Variants in DLGAP2 observed in about 807,000 individuals in gnomAD.
DLGAP2 encodes DLG associated protein 2.
Under a neutral mutation model 100.3 loss-of-function variants are expected in DLGAP2, and 26 were observed. That is an observed-to-expected ratio of 0.26 (90% confidence interval 0.19 to 0.36). DLGAP2 has a LOEUF of 0.36. Ranked by LOEUF, DLGAP2 falls within the 10% of genes least tolerant of loss-of-function variation. The pLI, the probability that DLGAP2 is intolerant of heterozygous loss-of-function variation, is 1.00. For synonymous variants in DLGAP2, 886 were observed against 630.1 expected (o/e 1.41, Z -6.08); for missense variants, 1,858 against 1,453.2 (o/e 1.28, Z -4.53).
intron 3 of DLGAP2, among the ~76,000 whole-genome samples, chr8:1,279,588 C>A (rs1799774826): frequency 6.6e-6 from 1 of 152,218 alleles, no homozygotes; most frequent in African/African-American, 2.4e-5. Flanking sequence ...TGTGTCATCT[C>A]AGTGTCTGAG....
At chr8:1,542,734 A>G (rs146986239) in intron 4 of DLGAP2, among the ~76,000 whole-genome samples, 2 of 152,124 alleles carry the variant, frequency 1.3e-5, no homozygotes, top group Non-Finnish European at 2.9e-5. Context: ...ATGTGTTTTC[A>G]TTTCTCTTGG....
At chr8:1,245,721 T>C (rs1798888580) in intron 2 of DLGAP2, among the ~76,000 whole-genome samples, 1 of 152,168 alleles carries the variant, frequency 6.6e-6, no homozygotes. Context: ...GTGAATCATA[T>C]GGTGTGTGAA....
intron 3 of DLGAP2, among the ~76,000 whole-genome samples, chr8:1,350,769 C>T (rs71497116): frequency 0.022 from 137 of 6,292 alleles, 1 homozygote; most frequent in East Asian, 0.083. Context: ...GGGTCCTGAG[C>T]GTGCGTGGAA....
intron 6 of DLGAP2, among the ~76,000 whole-genome samples, chr8:1,595,756 C>T (rs1281017456): frequency 1.3e-5 from 2 of 151,572 alleles, no homozygotes; most frequent in Non-Finnish European, 2.9e-5. Flanking sequence ...TTCCCAAATT[C>T]ACCACTACCC....
chr8:988,872 A>C (rs373071331), intron 2 of DLGAP2, among the ~76,000 whole-genome samples: 1 of 152,186 alleles, frequency 6.6e-6, no homozygotes, highest in African/African-American at 2.4e-5. Flanking sequence ...AGTCACCTGC[A>C]TGAGAGCCCC....
At chr8:1,366,205 G>T (rs1162392518) in intron 3 of DLGAP2, among the ~76,000 whole-genome samples, 1 of 152,280 alleles carries the variant, frequency 6.6e-6, no homozygotes, top group Admixed American at 6.5e-5. Flanking sequence ...CTAATGTGCT[G>T]CTTTCTGTAC....
chr8:1,559,352 G>C (rs762536117), intron 5 of DLGAP2, among the ~76,000 whole-genome samples: 2 of 152,190 alleles, frequency 1.3e-5, no homozygotes, highest in African/African-American at 4.8e-5. Context: ...TGCAGGGTTC[G>C]AATGCTGTAA....
intron 10 of DLGAP2, among the ~76,000 whole-genome samples, chr8:1,675,347 T>A (rs113456384): frequency 5.3e-5 from 8 of 152,356 alleles, no homozygotes; most frequent in African/African-American, 1.4e-4. Context: ...CCCCCTCCTC[T>A]GATCCGCCAG....
At chr8:1,027,705 G>C in intron 2 of DLGAP2, among the ~76,000 whole-genome samples, 1 of 141,808 alleles carries the variant, frequency 7.1e-6, no homozygotes, top group East Asian at 2.2e-4. Flanking sequence ...TTCTCCAGGT[G>C]GGGTGTCAGG....
chr8:996,457 G>C (rs139766032), intron 2 of DLGAP2, among the ~76,000 whole-genome samples: 5 of 152,248 alleles, frequency 3.3e-5, no homozygotes, highest in African/African-American at 9.6e-5. Context: ...GCTGGCTCCC[G>C]TGCTGAAGGA....
chr8:900,315 C>G (rs1338659261), intron 1 of DLGAP2, among the ~76,000 whole-genome samples: 4 of 150,546 alleles, frequency 2.7e-5, no homozygotes, highest in African/African-American at 9.8e-5. Context: ...GGGCGCCCTC[C>G]TCTTCACGGT....
Position 1,405,374 on chromosome 8 carries a change from G to A in DLGAP2, c.107-95992G>A, listed in dbSNP as rs548108590. Among the ~76,000 whole-genome samples the A allele has an allele frequency of 1.0e-3, 20 of 19,534 alleles. 1 individual carries two copies. The highest frequency in any genetic ancestry group is 3.4e-3 in the African/African-American group (19 of 5,518). 12.8% of individuals were successfully genotyped at this position (19,534 alleles called of 152,430 possible). On this transcript the variant is annotated intron_variant, in intron 3 of 14. Transcript: ENST00000637795. ...GAGTCGTGTATTGAGTGCTTACTGA[G>A]CGCCCCCTCCTCGTCCTCCAGAGTC...
At chr8:1,451,933 C>A (rs1343547610) in intron 3 of DLGAP2, among the ~76,000 whole-genome samples, 1 of 152,262 alleles carries the variant, frequency 6.6e-6, no homozygotes, top group Non-Finnish European at 1.5e-5. Context: ...CTGCTCTCTT[C>A]CGTGTTATCT....
chr8:1,459,809 C>T (rs1161825688), intron 3 of DLGAP2, among the ~76,000 whole-genome samples: 1 of 151,166 alleles, frequency 6.6e-6, no homozygotes, highest in Non-Finnish European at 1.5e-5. Flanking sequence ...TGTCAGCCTC[C>T]CGAGTAGCGG....
intron 2 of DLGAP2, among the ~76,000 whole-genome samples, chr8:1,110,249 G>T (rs1196397768): frequency 7.1e-6 from 1 of 140,562 alleles, no homozygotes; most frequent in South Asian, 2.4e-4. Flanking sequence ...GATCTGTGAG[G>T]TGTGCACGGG....
chr8:770,393 G>C (rs1427491936), intron 1 of DLGAP2, among the ~76,000 whole-genome samples: 1 of 152,186 alleles, frequency 6.6e-6, no homozygotes, highest in Non-Finnish European at 1.5e-5. Flanking sequence ...TGCTATGCCA[G>C]TTTGTCTGTG....
chr8:1,360,216 G>A (rs569964576), intron 3 of DLGAP2, among the ~76,000 whole-genome samples: 10 of 134,098 alleles, frequency 7.5e-5, no homozygotes, highest in African/African-American at 2.5e-4. Context: ...GGGCTTTTCC[G>A]GGGCGGGGCT....
chr8:747,373 G>A (rs1371862122), intron 1 of DLGAP2, among the ~76,000 whole-genome samples: 1 of 152,016 alleles, frequency 6.6e-6, no homozygotes, highest in Non-Finnish European at 1.5e-5. Flanking sequence ...CTCCGCGCCA[G>A]TCACGCGATG....
At chr8:1,655,876 C>A (rs768555100) in intron 8 of DLGAP2, among the ~76,000 whole-genome samples, 2 of 152,224 alleles carry the variant, frequency 1.3e-5, no homozygotes, top group African/African-American at 4.8e-5. Flanking sequence ...TCCTAGACAG[C>A]GCTGCCAGCA....
Sources: gnomAD v4.1 joint callset for allele counts (sites outside exome capture counted in the v4.1 genomes callset) on GRCh38, gnomAD v4.1.1 for gene constraint, MANE v1.5 for transcripts, NCBI Gene and HGNC (gene_info 2026-07-23, HGNC 2026-07-21) for gene names.